CPEB1: variants seen among roughly 807,000 people sequenced by gnomAD.
CPEB1 encodes the protein cytoplasmic polyadenylation element binding protein 1.
CPEB1 carries 7 observed loss-of-function variants against 65.8 expected under a neutral mutation model. The ratio of observed to expected loss-of-function variants is 0.11; its 90% CI spans 0.06 to 0.20. CPEB1 has a LOEUF of 0.20. CPEB1 is among the 10% of genes least tolerant of loss of function. The probability of loss-of-function intolerance (pLI) is 1.00; values close to 1 mark genes in which losing one functional copy is unlikely to be tolerated. For synonymous variants in CPEB1, 262 were observed against 260.0 expected, an observed-to-expected ratio of 1.01 and a Z score of -0.08; for missense variants, 551 against 712.2, an observed-to-expected ratio of 0.77 and a Z score of 2.58.
intron 3 of CPEB1, among the ~76,000 whole-genome samples, chr15:82,580,787 G>C (rs2041210147): frequency 6.6e-6 from 1 of 151,680 alleles, no homozygotes. Flanking sequence ...CTTTGTATCA[G>C]GCTTATTTTA....
intron 10 of CPEB1, 106 bp from the exon 11 acceptor site, chr15:82,547,343 C>T (rs904902116): frequency 9.2e-6 from 6 of 649,826 alleles, no homozygotes; most frequent in Non-Finnish European, 1.5e-5. Flanking sequence ...TTCGCCCAGG[C>T]TGGTGTGCAG....
chr15:82,601,212 A>G (rs573307460), intron 3 of CPEB1, among the ~76,000 whole-genome samples: 4 of 146,438 alleles, frequency 2.7e-5, no homozygotes, highest in Non-Finnish European at 4.5e-5. Flanking sequence ...TTGGGGGTAC[A>G]ACTTGTCACT....
At chr15:82,636,771 A>G (rs1412655222) in intron 1 of CPEB1, among the ~76,000 whole-genome samples, 5 of 152,190 alleles carry the variant, frequency 3.3e-5, no homozygotes, top group Admixed American at 3.3e-4. Flanking sequence ...ATACCACATG[A>G]AAGGCAGACC....
At chr15:82,563,497 T>G (rs1259647717) in intron 4 of CPEB1, among the ~76,000 whole-genome samples, 1 of 141,620 alleles carries the variant, frequency 7.1e-6, no homozygotes, top group Non-Finnish European at 1.5e-5. Context: ...CCACCATGTC[T>G]GACTAATTTT....
chr15:82,573,801 T>G (rs868252402), intron 3 of CPEB1, among the ~76,000 whole-genome samples: 8 of 151,986 alleles, frequency 5.3e-5, no homozygotes, highest in African/African-American at 1.9e-4. Flanking sequence ...AGATCCCCAG[T>G]TAATATATAT....
chr15:82,627,508 G>A, intron 2 of CPEB1, 141 bp from the exon 3 acceptor site: 1 of 607,000 alleles, frequency 1.6e-6, no homozygotes. Flanking sequence ...TGTTTACTAT[G>A]AGCTAAGTAC....
At chr15:82,579,401 C>T (rs1311913328) in intron 3 of CPEB1, among the ~76,000 whole-genome samples, 3 of 152,022 alleles carry the variant, frequency 2.0e-5, no homozygotes, top group African/African-American at 7.3e-5. Flanking sequence ...TGCACTCTGG[C>T]TTAGGCGACA....
At chr15:82,624,283 A>G (rs554115278) in intron 3 of CPEB1, among the ~76,000 whole-genome samples, 1 of 152,318 alleles carries the variant, frequency 6.6e-6, no homozygotes, top group East Asian at 1.9e-4. Context: ...TGAAAGGCTC[A>G]AGAACATCAG....
In CPEB1 at chr15:82,608,250, T is replaced by TATTTAATA. The variant is rs573117773; in HGVS notation, c.271+18935_271+18942dup. 5.9e-3 allele frequency among the ~76,000 whole-genome samples: 906 copies of TATTTAATA among 152,332 alleles called. 11 individuals carry two copies. Among genetic ancestry groups the TATTTAATA allele is most frequent in the African/African-American group, 0.021 (866 of 41,572 alleles). ...TGCCTAATGCCTCAGGCACCTGGGATATTTAATAATTGCCTCTGATTTTTT... is the reference window on the plus strand; with the variant it reads ...TGCCTAATGCCTCAGGCACCTGGGATATTTAATAATTTAATAATTGCCTCTGATTTTTT... On this transcript the variant is annotated intron_variant, in intron 3 of 12. Transcript: ENST00000684509.
intron 4 of CPEB1, 87 bp downstream of exon 4, chr15:82,571,257 G>T: frequency 1.3e-6 from 2 of 1,494,068 alleles, no homozygotes; most frequent in South Asian, 2.7e-5. Context: ...GATGCAAAGG[G>T]GAACAGAACA....
chr15:82,586,474 G>A (rs1316789338), intron 3 of CPEB1, among the ~76,000 whole-genome samples: 5 of 152,170 alleles, frequency 3.3e-5, no homozygotes, highest in African/African-American at 1.2e-4. Flanking sequence ...GAGGCCTCTA[G>A]TTTTAAATGT....
At chr15:82,552,736 GT>G in intron 8 of CPEB1, 120 bp from the exon 9 acceptor site, 1 of 1,153,728 alleles carries the variant, frequency 8.7e-7, no homozygotes, top group Non-Finnish European at 1.2e-6. Context: ...ATACATTTTT[GT>G]TTTACTCCTG....
chr15:82,600,340 G>A (rs783528), intron 3 of CPEB1, among the ~76,000 whole-genome samples: 29,452 of 152,022 alleles, frequency 0.19, 3,051 homozygotes, highest in South Asian at 0.35. Context: ...GATTTTCAAG[G>A]AAGATAAAGA....
rs146274033 is a variant in CPEB1 at position 82,571,296 on chromosome 15, A to AC, written c.460+47dup. The AC allele has an allele frequency of 2.1e-3, 3,255 of 1,575,812 alleles. 53 individuals carry two copies. The African/African-American group carries it at 0.04, about 19-fold the overall frequency. ...GTTGCTGTGGATATCTTCGTTCACCACCCCCATGCATCCCCTTACCCCAGC... is the reference window on the plus strand; with the variant it reads ...GTTGCTGTGGATATCTTCGTTCACCACCCCCCATGCATCCCCTTACCCCAGC... On this transcript the variant is annotated intron_variant, in intron 4 of 12. Coordinates refer to ENST00000684509, the MANE Select transcript of CPEB1 (RefSeq NM_001365242.1).
Position 82,566,589 on chromosome 15 carries a change from A to G in CPEB1, c.460+4755T>C, listed in dbSNP as rs371504884. ...ATCCCACAAGTTCAAGTTAGTGACA[A>G]ACACAGCCCTTCTCCCCAGTATAAC... On this transcript the variant is annotated intron_variant, in intron 4 of 12. Transcript: ENST00000684509. Among the ~76,000 whole-genome samples the G allele has an allele frequency of 3.3e-5, 5 of 152,146 alleles. No homozygotes were observed. The East Asian group carries it at 5.8e-4, about 18-fold the overall frequency.
chr15:82,601,102 C>T (rs1224510971), intron 3 of CPEB1, among the ~76,000 whole-genome samples: 3 of 150,508 alleles, frequency 2.0e-5, no homozygotes, highest in Non-Finnish European at 4.4e-5. Flanking sequence ...GACAGGGTTT[C>T]GTCACGTTGG....
intron 4 of CPEB1, among the ~76,000 whole-genome samples, chr15:82,558,552 AGGAT>A (rs2037629805): frequency 6.6e-6 from 1 of 152,220 alleles, no homozygotes; most frequent in Admixed American, 6.5e-5. Flanking sequence ...TGAAATGTTT[AGGAT>A]GGAAGCAGAA....
chr15:82,616,235 G>C (rs979325242), intron 3 of CPEB1, among the ~76,000 whole-genome samples: 1 of 151,994 alleles, frequency 6.6e-6, no homozygotes, highest in African/African-American at 2.4e-5. Context: ...TTTGTTTTGT[G>C]ACAATTTACC....
chr15:82,627,283 G>T lies in CPEB1; in HGVS notation c.181C>A (p.Arg61=), dbSNP rs2045855107. 6.2e-7 allele frequency: 1 copy of T among 1,613,456 alleles called. No individual in the cohort carries two copies. ...LSTCSNANIF[R]RINAILDNSL... is the part of the protein sequence containing the mutation. ...TTATCCAATATGGCATTTATCCTTC[G>T]AAAGATATTGGCATTACTACACGTG... Residue 61 remains arginine (R), a synonymous_variant, in exon 3 of 13, where the codon CGA becomes AGA. Coordinates refer to ENST00000684509, the MANE Select transcript of CPEB1 (RefSeq NM_001365242.1).
Sources: allele counts gnomAD v4.1 joint callset (sites outside exome capture counted in the v4.1 genomes callset), GRCh38; gene constraint gnomAD v4.1.1; transcripts MANE v1.5; gene names NCBI Gene and HGNC (gene_info 2026-07-23, HGNC 2026-07-21).